UNC13B: variants seen among roughly 807,000 people sequenced by gnomAD.
The protein encoded by UNC13B is unc-13 homolog B, also known as protein unc-13 homolog B.
UNC13B carries 144 observed loss-of-function variants against 211.0 expected under a neutral mutation model. The ratio of observed to expected loss-of-function variants is 0.68; its 90% CI spans 0.60 to 0.78. The LOEUF (loss-of-function observed/expected upper bound fraction) is 0.78, where lower values mean the gene tolerates loss of function less well. Ranked by LOEUF, UNC13B falls within the 30% of genes least tolerant of loss-of-function variation. The probability of loss-of-function intolerance (pLI) is 0.00; values close to 1 mark genes in which losing one functional copy is unlikely to be tolerated. For missense variants in UNC13B, 1,777 were observed against 2,002.0 expected (o/e 0.89, Z 2.14); for synonymous variants, 709 against 725.8 (o/e 0.98, Z 0.37).
At chr9:35,332,089 C>T (rs1201455607) in intron 11 of UNC13B, among the ~76,000 whole-genome samples, 1 of 152,030 alleles carries the variant, frequency 6.6e-6, no homozygotes, top group Non-Finnish European at 1.5e-5. Context: ...TCAAGCAATT[C>T]TCCTGCCTTA....
chr9:35,191,212 A>G (rs1425735797), intron 1 of UNC13B, among the ~76,000 whole-genome samples: 1 of 152,152 alleles, frequency 6.6e-6, no homozygotes, highest in Non-Finnish European at 1.5e-5. Flanking sequence ...TCTGCCTCCC[A>G]AAGTGCAGGG....
At chr9:35,323,081 C>A (rs1830821125) in intron 11 of UNC13B, among the ~76,000 whole-genome samples, 1 of 151,184 alleles carries the variant, frequency 6.6e-6, no homozygotes, top group Admixed American at 6.6e-5. Context: ...TCCTTTTCCC[C>A]CATCTTATTA....
At chr9:35,380,378 CAGCTGTCGG>C in intron 17 of UNC13B, 83 bp from the exon 18 acceptor site, 2 of 1,380,750 alleles carry the variant, frequency 1.4e-6, no homozygotes, top group Non-Finnish European at 2.0e-6. Context: ...GCCTCAAGTG[CAGCTGTCGG>C]AGCTTTTGGG....
intron 2 of UNC13B, among the ~76,000 whole-genome samples, chr9:35,228,276 G>A (rs945006600): frequency 6.6e-6 from 1 of 151,570 alleles, no homozygotes; most frequent in Non-Finnish European, 1.5e-5. Context: ...TACCTTTTCC[G>A]ACTTTTTCTC....
chr9:35,219,816 T>C (rs1824472251), intron 1 of UNC13B, among the ~76,000 whole-genome samples: 1 of 152,178 alleles, frequency 6.6e-6, no homozygotes, highest in South Asian at 2.1e-4. Context: ...TCTCAATCTC[T>C]CTTTCCCAAG....
At chr9:35,386,460 G>T (rs1835200560) in intron 24 of UNC13B, among the ~76,000 whole-genome samples, 167 bp downstream of exon 24, 1 of 152,178 alleles carries the variant, frequency 6.6e-6, no homozygotes, top group Non-Finnish European at 1.5e-5. Context: ...TATGTGGATG[G>T]AAAGAGACCC....
In UNC13B at chr9:35,378,469, CTG is replaced by C. The variant is rs1330548853; in HGVS notation, c.10205+39_10205+40del. The C allele has an allele frequency of 4.3e-6, 7 of 1,613,466 alleles. No individual in the cohort carries two copies. The African/African-American group carries it at 6.7e-5, about 15-fold the overall frequency. ...ACAGAGAGCTTTGTCTTACCTGGGACTGTGTGTATTGGGGGAGCAGGATCACA... is the reference window on the plus strand; with the variant it reads ...ACAGAGAGCTTTGTCTTACCTGGGACTGTGTATTGGGGGAGCAGGATCACA... On this transcript the variant is annotated intron_variant, in intron 17 of 39. Coordinates refer to ENST00000635942, the MANE Select transcript of UNC13B (RefSeq NM_001371189.2).
chr9:35,229,954 T>G (rs1825103684), intron 2 of UNC13B, among the ~76,000 whole-genome samples: 1 of 152,202 alleles, frequency 6.6e-6, no homozygotes, highest in Non-Finnish European at 1.5e-5. Context: ...TTTCATTGTA[T>G]AACATTAGGA....
chr9:35,177,621 T>G (rs1180284391), intron 1 of UNC13B, among the ~76,000 whole-genome samples: 2 of 152,240 alleles, frequency 1.3e-5, no homozygotes, highest in African/African-American at 4.8e-5. Context: ...TTGTAGAGAC[T>G]TAACTGTTTT....
At chr9:35,265,938 G>GC (rs1827548444) in intron 7 of UNC13B, among the ~76,000 whole-genome samples, 1 of 152,090 alleles carries the variant, frequency 6.6e-6, no homozygotes, top group Admixed American at 6.6e-5. Context: ...TGATTCTCCT[G>GC]CCTCAGCCTC....
intron 11 of UNC13B, among the ~76,000 whole-genome samples, chr9:35,332,920 G>C (rs1831453787): frequency 6.6e-6 from 1 of 151,906 alleles, no homozygotes; most frequent in Non-Finnish European, 1.5e-5. Flanking sequence ...GATTCTTTTT[G>C]TATTAAGTTC....
chr9:35,198,799 T>C (rs962397954), intron 1 of UNC13B, among the ~76,000 whole-genome samples: 1 of 152,152 alleles, frequency 6.6e-6, no homozygotes, highest in African/African-American at 2.4e-5. Flanking sequence ...AAGTCAGTTT[T>C]GTTATGTGTT....
intron 1 of UNC13B, among the ~76,000 whole-genome samples, chr9:35,178,145 A>G (rs1199426127): frequency 1.3e-5 from 2 of 152,332 alleles, no homozygotes; most frequent in Admixed American, 1.3e-4. Flanking sequence ...TCATCATTAT[A>G]ATATACTCCA....
chr9:35,397,833 G>A (rs1835990533), intron 30 of UNC13B, 121 bp downstream of exon 30: 1 of 1,054,334 alleles, frequency 9.5e-7, no homozygotes, highest in Non-Finnish European at 1.4e-6. Flanking sequence ...TTCCCACCAT[G>A]GCTTTGCTTC....
intron 7 of UNC13B, among the ~76,000 whole-genome samples, chr9:35,275,539 A>T (rs1828127391): frequency 6.6e-6 from 1 of 152,136 alleles, no homozygotes. Context: ...ATACAGGTAT[A>T]TACATTAGAG....
At chr9:35,244,271 T>C (rs534127403) in intron 6 of UNC13B, among the ~76,000 whole-genome samples, 2 of 152,296 alleles carry the variant, frequency 1.3e-5, no homozygotes, top group South Asian at 4.1e-4. Context: ...TTCTTGACAG[T>C]ATCACATGTT....
rs912092851 is a variant in UNC13B, at chr9:35,343,595, G to A, written c.9415-23352G>A. On this transcript the variant is annotated intron_variant, in intron 11 of 39. Coordinates refer to ENST00000635942, the MANE Select transcript of UNC13B (RefSeq NM_001371189.2). ...TTGAACCTCACACAAAATGGAAATG[G>A]GCTGCTTCCAGCCAGGATCAAAGTG... Among the ~76,000 whole-genome samples the A allele has an allele frequency of 2.6e-5, 4 of 152,106 alleles. No homozygotes were observed. The East Asian group carries it at 7.7e-4, about 29-fold the overall frequency.
intron 11 of UNC13B, among the ~76,000 whole-genome samples, chr9:35,348,797 C>T (rs1159808950): frequency 2.0e-5 from 3 of 152,160 alleles, no homozygotes; most frequent in African/African-American, 7.2e-5. Flanking sequence ...GTGTTTAATC[C>T]AAGGTCACTG....
intron 11 of UNC13B, chr9:35,352,680 A>G: frequency 2.4e-6 from 3 of 1,232,122 alleles, no homozygotes; most frequent in Non-Finnish European, 2.0e-6. Context: ...TTATCAAAGG[A>G]AAGTGATGTG....
Sources: allele counts gnomAD v4.1 joint callset (sites outside exome capture counted in the v4.1 genomes callset), GRCh38; gene constraint gnomAD v4.1.1; transcripts MANE v1.5; gene names NCBI Gene and HGNC (gene_info 2026-07-23, HGNC 2026-07-21).